Variants in POLR3B observed in about 807,000 individuals in gnomAD.
POLR3B encodes RNA polymerase III subunit B.
Under a neutral mutation model 147.4 loss-of-function variants are expected in POLR3B, and 96 were observed. The ratio of observed to expected loss-of-function variants is 0.65; its 90% CI spans 0.55 to 0.77. POLR3B has a LOEUF of 0.77. Ranked by LOEUF, POLR3B falls within the 30% of genes least tolerant of loss-of-function variation. The probability of loss-of-function intolerance (pLI) is 0.00; values close to 1 mark genes in which losing one functional copy is unlikely to be tolerated. For synonymous variants in POLR3B, 461 were observed against 485.9 expected (o/e 0.95, Z 0.67); for missense variants, 1,036 against 1,413.5 (o/e 0.73, Z 4.28).
At chr12:106,477,792 C>T (rs2038198201) in intron 23 of POLR3B, among the ~76,000 whole-genome samples, 1 of 151,858 alleles carries the variant, frequency 6.6e-6, no homozygotes, top group Admixed American at 6.6e-5. Context: ...GAACCCGGTA[C>T]CTCAGATGGA....
rs1337382297 is a variant in POLR3B at position 106,410,845 on chromosome 12, G to A, written c.986G>A (p.Arg329Gln). ...TTACAGGTTAAGGAATTCAATTTCC[G>A]AGCCAAATGTATCTATACTGCAGTG... ...THVPVKEFNF[R>Q]AKCIYTAVMV... Residue 329 changes from arginine to glutamine, a missense_variant, in exon 12 of 28, where the codon CGA becomes CAA. Transcript: ENST00000228347. The A allele has an allele frequency of 7.4e-6, 12 of 1,613,578 alleles. No homozygotes were observed. The highest frequency in any genetic ancestry group is 1.1e-5 in the South Asian group (1 of 91,076).
chr12:106,480,073 G>A (rs954861427), intron 23 of POLR3B, among the ~76,000 whole-genome samples: 9 of 150,762 alleles, frequency 6.0e-5, no homozygotes, highest in Admixed American at 4.0e-4. Context: ...GGCTGGTCTC[G>A]AACTTCTAGG....
intron 27 of POLR3B, among the ~76,000 whole-genome samples, chr12:106,506,309 A>G (rs938675570): frequency 5.9e-5 from 9 of 152,240 alleles, no homozygotes; most frequent in Admixed American, 5.9e-4. Context: ...CTTCGAAAGG[A>G]TGGTACAGAA....
At chr12:106,456,966 AT>A (rs2037872811) in intron 20 of POLR3B, among the ~76,000 whole-genome samples, 171 bp from the exon 21 acceptor site, 2 of 152,126 alleles carry the variant, frequency 1.3e-5, no homozygotes, top group African/African-American at 4.8e-5. Flanking sequence ...GCTTCTTCAG[AT>A]TATCAGATTT....
intron 12 of POLR3B, 122 bp downstream of exon 12, chr12:106,411,082 T>G: frequency 1.2e-6 from 1 of 826,936 alleles, no homozygotes; most frequent in Non-Finnish European, 2.0e-6. Flanking sequence ...TATAAACATT[T>G]CATACCTGAC....
chr12:106,483,009 C>G (rs532336733), intron 23 of POLR3B, among the ~76,000 whole-genome samples: 9 of 152,258 alleles, frequency 5.9e-5, no homozygotes, highest in African/African-American at 1.9e-4. Context: ...CCAACCCTAA[C>G]TGATCACACA....
intron 23 of POLR3B, among the ~76,000 whole-genome samples, 200 bp downstream of exon 23, chr12:106,463,820 A>T (rs2037970575): frequency 6.6e-6 from 1 of 152,172 alleles, no homozygotes; most frequent in Non-Finnish European, 1.5e-5. Context: ...TTGCTCCTCT[A>T]TGCTGTCTGT....
At chr12:106,458,456 G>T (rs2037892937) in intron 21 of POLR3B, among the ~76,000 whole-genome samples, 1 of 152,146 alleles carries the variant, frequency 6.6e-6, no homozygotes, top group Non-Finnish European at 1.5e-5. Flanking sequence ...GATATATTCA[G>T]ATATGTGTTT....
chr12:106,366,719 TA>T lies in POLR3B; in HGVS notation c.227del (p.Lys76AsnfsTer18). 6.2e-7 allele frequency: 1 copy of T among 1,608,758 alleles called. No individual in the cohort carries two copies. Among genetic ancestry groups the T allele is most frequent in the Non-Finnish European group, 8.5e-7 (1 of 1,175,206 alleles). On this transcript the variant is annotated frameshift_variant and splice_region_variant, in exon 4 of 28. Coordinates refer to ENST00000228347, the MANE Select transcript of POLR3B (RefSeq NM_018082.6). LOFTEE classifies it high-confidence loss of function. ...VTSDADPMWY[L>X]KYLNIYVGLP... The stretch of plus-strand genomic sequence containing the variant: ...AGTGACGCTGACCCTATGTGGTACT[TA>T]AAGTAAGGAACCAACATTCTTAATT...
chr12:106,416,543 C>T (rs1342853812), intron 12 of POLR3B, among the ~76,000 whole-genome samples: 1 of 152,138 alleles, frequency 6.6e-6, no homozygotes, highest in Non-Finnish European at 1.5e-5. Flanking sequence ...AAGCACAGGT[C>T]CTTTTCCCAG....
chr12:106,427,125 A>G, intron 12 of POLR3B, 72 bp from the exon 13 acceptor site: 2 of 997,334 alleles, frequency 2.0e-6, no homozygotes, highest in Non-Finnish European at 1.5e-6. Context: ...AAATCTTAAG[A>G]CCTAAAATTT....
rs1216852150 is a variant in POLR3B at position 106,357,832 on chromosome 12, A to T, written c.-48A>T. 4 of 1,577,104 alleles carry T rather than the reference A, an allele frequency of 2.5e-6. No individual in the cohort carries two copies. The South Asian group carries it at 4.5e-5, about 18-fold the overall frequency. ...GTCTTGCAGTTTGCTTGGTGCAGGGAAGGCGGGCGCGGAGGTTCTATCTGT... is the reference window on the plus strand; with the variant it reads ...GTCTTGCAGTTTGCTTGGTGCAGGGTAGGCGGGCGCGGAGGTTCTATCTGT... On this transcript the variant is annotated 5_prime_UTR_variant, in exon 1 of 28. Transcript: ENST00000228347.
chr12:106,473,874 T>C (rs2038126091), intron 23 of POLR3B, among the ~76,000 whole-genome samples: 1 of 151,308 alleles, frequency 6.6e-6, no homozygotes, highest in South Asian at 2.1e-4. Context: ...CCTGCGTGAT[T>C]GCCCTGGCCA....
intron 2 of POLR3B, among the ~76,000 whole-genome samples, chr12:106,364,746 G>C (rs1160173894): frequency 6.6e-6 from 1 of 152,256 alleles, no homozygotes; most frequent in Non-Finnish European, 1.5e-5. Flanking sequence ...GGATGTATCT[G>C]TGCAACAGAG....
intron 2 of POLR3B, among the ~76,000 whole-genome samples, chr12:106,364,169 A>G (rs964030617): frequency 5.9e-5 from 9 of 152,212 alleles, no homozygotes; most frequent in East Asian, 1.9e-4. Flanking sequence ...CAAAAGAGCA[A>G]TGGTCAGAGA....
chr12:106,466,540 G>A (rs1336786061), intron 23 of POLR3B, among the ~76,000 whole-genome samples: 1 of 152,138 alleles, frequency 6.6e-6, no homozygotes, highest in Non-Finnish European at 1.5e-5. Flanking sequence ...TCTATGTCCT[G>A]AATGGTATTG....
At chr12:106,464,135 T>C (rs1455860121) in intron 23 of POLR3B, among the ~76,000 whole-genome samples, 1 of 152,166 alleles carries the variant, frequency 6.6e-6, no homozygotes, top group Non-Finnish European at 1.5e-5. Context: ...AACCTGGGTC[T>C]CCTGACCCCA....
chr12:106,454,422 T>C, intron 19 of POLR3B, 80 bp from the exon 20 acceptor site: 1 of 751,454 alleles, frequency 1.3e-6, no homozygotes, highest in African/African-American at 1.7e-5. Flanking sequence ...GATGTTAATG[T>C]ATTTATCTCT....
chr12:106,507,582 G>A (rs896216467), intron 27 of POLR3B: 4 of 266,974 alleles, frequency 1.5e-5, no homozygotes, highest in South Asian at 3.7e-5. Context: ...GAACTCGAAT[G>A]CATTAAATAG....
Sources: gnomAD v4.1 joint callset for allele counts (sites outside exome capture counted in the v4.1 genomes callset) on GRCh38, gnomAD v4.1.1 for gene constraint, MANE v1.5 for transcripts, NCBI Gene and HGNC (gene_info 2026-07-23, HGNC 2026-07-21) for gene names.